The following COL22A1 variants were observed in gnomAD, a reference collection of about 807,000 sequenced individuals.
COL22A1 encodes collagen alpha-1(XXII) chain.
Under a neutral mutation model 248.9 loss-of-function variants are expected in COL22A1, and 221 were observed. The ratio of observed to expected loss-of-function variants is 0.89; its 90% confidence interval spans 0.80 to 0.99. The LOEUF (loss-of-function observed/expected upper bound fraction) is 0.99. Ranked by LOEUF, COL22A1 falls within the 50% of genes least tolerant of loss-of-function variation. COL22A1 has a pLI of 0.00. For synonymous variants in COL22A1, 891 were observed against 793.4 expected (o/e 1.12, Z -2.07); for missense variants, 2,240 against 2,179.0 (o/e 1.03, Z -0.56).
intron 52 of COL22A1, chr8:138,620,763 T>A (rs1385206142): frequency 6.6e-6 from 1 of 152,258 alleles, no homozygotes; most frequent in African/African-American, 2.4e-5. Flanking sequence ...CTGCTCAAGG[T>A]CACACAGCTG....
intron 31 of COL22A1, 152 bp downstream of exon 31, chr8:138,703,154 T>A (rs938457276): frequency 1.6e-6 from 1 of 643,938 alleles, no homozygotes; most frequent in Non-Finnish European, 2.8e-6. Flanking sequence ...GTGTATATAT[T>A]TTTGGTTTGT....
intron 49 of COL22A1, among the ~76,000 whole-genome samples, chr8:138,633,250 C>T (rs367668445): frequency 2.6e-5 from 4 of 152,198 alleles, no homozygotes; most frequent in African/African-American, 9.7e-5. Context: ...GTACAAAGCA[C>T]GACACAAAAT....
At chr8:138,824,437 T>C (rs577136866) in intron 6 of COL22A1, among the ~76,000 whole-genome samples, 1 of 152,204 alleles carries the variant, frequency 6.6e-6, no homozygotes, top group Admixed American at 6.5e-5. Context: ...ACTGCCGGCA[T>C]CCACACTTGC....
At chr8:138,764,741 C>T (rs1157162719) in intron 16 of COL22A1, among the ~76,000 whole-genome samples, 7 of 152,126 alleles carry the variant, frequency 4.6e-5, no homozygotes, top group African/African-American at 1.4e-4. Flanking sequence ...GGCAAATCAC[C>T]TGAGGTCAGG....
intron 9 of COL22A1, among the ~76,000 whole-genome samples, chr8:138,810,356 A>G (rs1187512935): frequency 6.6e-6 from 1 of 152,214 alleles, no homozygotes; most frequent in Non-Finnish European, 1.5e-5. Context: ...GCTTTAAACA[A>G]GGATTCCAGC....
intron 47 of COL22A1, among the ~76,000 whole-genome samples, chr8:138,640,378 G>A (rs892740021): frequency 5.9e-5 from 9 of 152,110 alleles, no homozygotes; most frequent in African/African-American, 2.2e-4. Context: ...AAACTTTTGA[G>A]GGCAGGGACT....
chr8:138,639,241 C>T (rs1325968131), intron 47 of COL22A1, among the ~76,000 whole-genome samples: 1 of 152,198 alleles, frequency 6.6e-6, no homozygotes, highest in Non-Finnish European at 1.5e-5. Context: ...GCTCACACAG[C>T]TTATAGAAAG....
At chr8:138,678,684 T>G (rs1193576722) in intron 40 of COL22A1, among the ~76,000 whole-genome samples, 1 of 151,984 alleles carries the variant, frequency 6.6e-6, no homozygotes. Flanking sequence ...GAGAGGGGCA[T>G]GTAGGAAGAT....
intron 46 of COL22A1, among the ~76,000 whole-genome samples, chr8:138,648,563 C>T (rs2130533715): frequency 6.6e-6 from 1 of 152,036 alleles, no homozygotes; most frequent in Middle Eastern, 3.4e-3. Context: ...GTGTGTAAAT[C>T]CTTTTAAAAG....
chr8:138,736,852 C>T (rs533421955), intron 23 of COL22A1, among the ~76,000 whole-genome samples: 57 of 152,270 alleles, frequency 3.7e-4, no homozygotes, highest in Non-Finnish European at 7.6e-4. Flanking sequence ...GAAACTGAGG[C>T]CCCATCTCAG....
intron 1 of COL22A1, 138 bp from the exon 2 acceptor site, chr8:138,883,382 C>T (rs1457658898): frequency 3.4e-6 from 2 of 580,296 alleles, no homozygotes; most frequent in Non-Finnish European, 6.1e-6. Flanking sequence ...CTCCAGGCAG[C>T]GAATGTGTGA....
At chr8:138,801,523 C>T (rs1349763518) in intron 11 of COL22A1, among the ~76,000 whole-genome samples, 2 of 152,118 alleles carry the variant, frequency 1.3e-5, no homozygotes, top group Non-Finnish European at 2.9e-5. Flanking sequence ...TAATCACACA[C>T]ATCAAAAAAG....
At chr8:138,755,608 G>A in intron 19 of COL22A1, 97 bp from the exon 20 acceptor site, 2 of 1,432,694 alleles carry the variant, frequency 1.4e-6, no homozygotes, top group Non-Finnish European at 2.0e-6. Context: ...CACAGGCCAT[G>A]CTGTCATGTC....
rs1828688106 is a variant in COL22A1 at position 138,708,625 on chromosome 8, C to G, written c.2518-5278G>C. Among the ~76,000 whole-genome samples the G allele has an allele frequency of 2.0e-5, 3 of 152,184 alleles. 1 individual carries two copies. The South Asian group carries it at 6.2e-4, about 32-fold the overall frequency. Reference sequence around the variant, plus strand: ...CTGGATCCCTTCCTTACACCTTATACAAAAATTAATTCAAGATGGGTTAAA... The same window carrying G: ...CTGGATCCCTTCCTTACACCTTATAGAAAAATTAATTCAAGATGGGTTAAA... On this transcript the variant is annotated intron_variant, in intron 30 of 64. Transcript: ENST00000303045.
chr8:138,623,438 G>T (rs539431300), intron 52 of COL22A1, among the ~76,000 whole-genome samples: 6 of 151,968 alleles, frequency 3.9e-5, no homozygotes, highest in African/African-American at 1.2e-4. Flanking sequence ...GAGGCTACAG[G>T]GGGCAGTAAA....
chr8:138,790,878 C>T (rs1815972401), intron 12 of COL22A1, among the ~76,000 whole-genome samples: 2 of 135,934 alleles, frequency 1.5e-5, no homozygotes, highest in African/African-American at 6.0e-5. Context: ...CCTATTTACT[C>T]TTAAGAGTTA....
At chr8:138,710,623 C>T (rs1436297857) in intron 30 of COL22A1, among the ~76,000 whole-genome samples, 1 of 101,984 alleles carries the variant, frequency 9.8e-6, no homozygotes, top group Non-Finnish European at 2.1e-5. Context: ...ATATATATCT[C>T]CATTTCACAG....
intron 1 of COL22A1, among the ~76,000 whole-genome samples, chr8:138,902,609 G>A (rs1814668694): frequency 3.3e-5 from 5 of 151,932 alleles, no homozygotes; most frequent in South Asian, 2.1e-4. Flanking sequence ...GGGAGGTTGA[G>A]GCAAGAGAAT....
rs1027286720 is a variant in COL22A1, at chr8:138,779,582, CAA to C, written c.1651-22_1651-21del. The C allele has an allele frequency of 6.2e-7, 1 of 1,600,610 alleles. No individual in the cohort carries two copies. The highest frequency in any genetic ancestry group is 1.3e-5 in the African/African-American group (1 of 74,644). ...CTCCCCCTGAACAAACAAAACAACA[CAA>C]AGTCATAGGCAGTGGGACACAGGCC... On this transcript the variant is annotated intron_variant, in intron 13 of 64. Transcript: ENST00000303045.
Sources: allele counts gnomAD v4.1 joint callset (sites outside exome capture counted in the v4.1 genomes callset), GRCh38; gene constraint gnomAD v4.1.1; transcripts MANE v1.5; gene names NCBI Gene and HGNC (gene_info 2026-07-23, HGNC 2026-07-21).